HDAC4: variants seen among roughly 807,000 people sequenced by gnomAD.
HDAC4 encodes the protein histone deacetylase 4.
A neutral mutation model predicts 135.1 loss-of-function variants in HDAC4; 16 were observed. That is an observed-to-expected ratio of 0.12 (90% CI 0.08 to 0.18). The LOEUF is 0.18. Among genes scored for constraint, HDAC4 ranks in the 10% least tolerant of loss-of-function variants. The pLI is 1.00. For missense variants in HDAC4, 1,143 were observed against 1,511.8 expected (o/e 0.76, Z 4.05); for synonymous variants, 685 against 653.4 (o/e 1.05, Z -0.74).
intron 22 of HDAC4, among the ~76,000 whole-genome samples, chr2:239,077,607 G>C (rs544682225): frequency 6.6e-6 from 1 of 152,344 alleles, no homozygotes; most frequent in South Asian, 2.1e-4. Context: ...GAAAATACTT[G>C]GATGCACTTA....
rs746087992 is a variant in HDAC4 at position 239,090,156 on chromosome 2, G to C, written c.2281-40C>G. 3.9e-5 allele frequency: 56 copies of C among 1,434,704 alleles called. No individual in the cohort carries two copies. In the African/African-American group the frequency reaches 7.0e-4, roughly 18 times the overall value. The allele number at this position is 1,434,704 out of a possible 1,614,324, so 88.9% of individuals were successfully genotyped here. ...CCCCACAGTGAGGTCACCCTCCCAG[G>C]CCACCGTCATCACCAGCCCTGGCTG... is the stretch of plus-strand genomic sequence containing the variant. On this transcript the variant is annotated intron_variant, in intron 17 of 26. Transcript: ENST00000543185.
chr2:239,380,800 G>C (rs781145741), intron 1 of HDAC4, among the ~76,000 whole-genome samples: 1 of 152,084 alleles, frequency 6.6e-6, no homozygotes, highest in Non-Finnish European at 1.5e-5. Context: ...TTCCCGCTTT[G>C]TCCCCAACTT....
intron 5 of HDAC4, 48 bp from the exon 6 acceptor site, chr2:239,163,971 A>G (rs1248483536): frequency 6.2e-7 from 1 of 1,611,222 alleles, no homozygotes; most frequent in Non-Finnish European, 8.5e-7. Flanking sequence ...GCTCTGCCCT[A>G]CAGCAGCAAT....
At chr2:239,399,043 C>A (rs1254965956) in intron 1 of HDAC4, among the ~76,000 whole-genome samples, 1 of 152,192 alleles carries the variant, frequency 6.6e-6, no homozygotes, top group Non-Finnish European at 1.5e-5. Context: ...GTTTTTAAGG[C>A]ATGAAAATAC....
intron 3 of HDAC4, among the ~76,000 whole-genome samples, chr2:239,207,099 T>A (rs2153087143): frequency 6.6e-6 from 1 of 151,870 alleles, no homozygotes; most frequent in Non-Finnish European, 1.5e-5. Context: ...CACCGCTGGG[T>A]ATGCCTGTAA....
In HDAC4 at chr2:239,049,325, TGA is replaced by T. The variant is rs2030461139; in HGVS notation, c.*3770_*3771del. On this transcript the variant is annotated 3_prime_UTR_variant, in exon 27 of 27. Coordinates refer to ENST00000543185, the MANE Select transcript of HDAC4 (RefSeq NM_001378414.1). ...CCATCTTTTGTATCTGCAAATGTCA[TGA>T]GAGGGGAACAGAAAGGCATTTTTCT... 6.6e-6 allele frequency: 1 copy of T among 152,576 alleles called. No individual in the cohort carries two copies. Among genetic ancestry groups the T allele is most frequent in the Admixed American group, 6.5e-5 (1 of 15,276 alleles). 9.5% of individuals were successfully genotyped at this position (152,576 alleles called of 1,614,324 possible). A position where few individuals can be genotyped will look rare whatever the true frequency, so the allele number is the denominator to read the frequency against.
At chr2:239,364,231 G>A (rs1441307639) in intron 1 of HDAC4, among the ~76,000 whole-genome samples, 1 of 152,184 alleles carries the variant, frequency 6.6e-6, no homozygotes, top group African/African-American at 2.4e-5. Flanking sequence ...AGACATCTAC[G>A]AAGACACGGC....
chr2:239,054,915 T>C, intron 24 of HDAC4, 82 bp from the exon 25 acceptor site: 1 of 964,222 alleles, frequency 1.0e-6, no homozygotes, highest in Non-Finnish European at 1.7e-6. Context: ...ACTGCAACTG[T>C]TTCCTGAGCA....
chr2:239,140,559 C>T lies in HDAC4; in HGVS notation c.866-763G>A, dbSNP rs530972633. Among the ~76,000 whole-genome samples the T allele has an allele frequency of 2.7e-3, 405 of 152,300 alleles. 1 individual carries two copies. Among genetic ancestry groups the T allele is most frequent in the African/African-American group, 8.9e-3 (370 of 41,564 alleles). On this transcript the variant is annotated intron_variant, in intron 8 of 26. Transcript: ENST00000543185. ...TTGGCTTGTCATATGTTTAGTTTAA[C>T]GGCATTTTAACAATGGCATCATCTG...
Position 239,167,027 on chromosome 2 carries a change from G to A in HDAC4, c.491-3104C>T, listed in dbSNP as rs542718551. Among the ~76,000 whole-genome samples the A allele has an allele frequency of 6.6e-6, 1 of 152,228 alleles. No individual in the cohort carries two copies. The highest frequency in any genetic ancestry group is 2.1e-4 in the South Asian group (1 of 4,814). On this transcript the variant is annotated intron_variant, in intron 5 of 26. Coordinates refer to ENST00000543185, the MANE Select transcript of HDAC4 (RefSeq NM_001378414.1). This position sits in a 1 kb window ranked among gnomAD's most constrained non-coding sequence, Gnocchi z 4.1. ...TGGTGACAGCGACAGTGAGGATGAG[G>A]ACCCAGATGGCCAGTTGTTGGAGGG...
intron 3 of HDAC4, among the ~76,000 whole-genome samples, chr2:239,226,063 C>T (rs1171597153): frequency 1.3e-5 from 2 of 152,180 alleles, no homozygotes; most frequent in Non-Finnish European, 2.9e-5. Context: ...CCATCTCCCT[C>T]GTCCTGGCGG....
intron 2 of HDAC4, among the ~76,000 whole-genome samples, chr2:239,282,855 A>C (rs1339457567): frequency 6.8e-6 from 1 of 146,690 alleles, no homozygotes; most frequent in Non-Finnish European, 1.5e-5. Flanking sequence ...ATACCACTCT[A>C]CAATGTACAC....
chr2:239,060,493 C>G (rs141102987), intron 24 of HDAC4, among the ~76,000 whole-genome samples: 199 of 152,328 alleles, frequency 1.3e-3, no homozygotes, highest in Non-Finnish European at 2.2e-3. Context: ...TAGGCAGATG[C>G]GGGGCTGCTC....
intron 14 of HDAC4, among the ~76,000 whole-genome samples, chr2:239,111,031 G>A (rs2038621177): frequency 6.6e-6 from 1 of 152,248 alleles, no homozygotes; most frequent in South Asian, 2.1e-4. Context: ...GGCACAGACA[G>A]AGGACGTGTG....
At chr2:239,267,710 C>G (rs992128618) in intron 2 of HDAC4, among the ~76,000 whole-genome samples, 9 of 152,384 alleles carry the variant, frequency 5.9e-5, no homozygotes, top group African/African-American at 2.2e-4. Flanking sequence ...AATGGGGACT[C>G]AAATCACAGG....
intron 26 of HDAC4, 26 bp from the exon 27 acceptor site, chr2:239,053,162 T>A: frequency 6.2e-7 from 1 of 1,613,728 alleles, no homozygotes; most frequent in African/African-American, 1.3e-5. Context: ...GAGAAGGAGA[T>A]GGGGGCGTGG....
intron 12 of HDAC4, among the ~76,000 whole-genome samples, chr2:239,124,007 G>A (rs1441059171): frequency 6.6e-6 from 1 of 151,904 alleles, no homozygotes; most frequent in Non-Finnish European, 1.5e-5. Flanking sequence ...AGCAACGGGG[G>A]TGGGGTGGAG....
At chr2:239,389,261 G>C (rs1696036178) in intron 1 of HDAC4, among the ~76,000 whole-genome samples, 1 of 152,162 alleles carries the variant, frequency 6.6e-6, no homozygotes, top group African/African-American at 2.4e-5. Flanking sequence ...CAACCCATTT[G>C]GGTCCCCTTC....
intron 24 of HDAC4, among the ~76,000 whole-genome samples, chr2:239,059,375 G>A (rs550622361): frequency 5.4e-4 from 82 of 152,292 alleles, no homozygotes; most frequent in Non-Finnish European, 5.4e-4. Context: ...ACTGATTCTC[G>A]GAAGTGCTTG....
Sources: allele counts gnomAD v4.1 joint callset (sites outside exome capture counted in the v4.1 genomes callset), GRCh38; gene constraint gnomAD v4.1.1; non-coding constraint Gnocchi (gnomAD v3.1); transcripts MANE v1.5; gene names NCBI Gene and HGNC (gene_info 2026-07-23, HGNC 2026-07-21).